TRPM8: variants seen among roughly 807,000 people sequenced by gnomAD.
The protein encoded by TRPM8 is TRPM8 cationic channel.
In TRPM8, 110 loss-of-function variants were observed where a neutral mutation model predicts 133.7. The observed-to-expected ratio is 0.82, with a 90% CI of 0.70 to 0.96. The LOEUF (loss-of-function observed/expected upper bound fraction) is 0.96. Ranked by LOEUF, TRPM8 falls within the 40% of genes least tolerant of loss-of-function variation. The pLI, the probability that TRPM8 is intolerant of heterozygous loss-of-function variation, is 0.00. For missense variants in TRPM8, 1,291 were observed against 1,379.5 expected (o/e 0.94, Z 1.02); for synonymous variants, 535 against 532.3 (o/e 1.01, Z -0.07).
At chr2:234,011,790 A>G (rs7576321) in intron 24 of TRPM8, among the ~76,000 whole-genome samples, 112,597 of 151,362 alleles carry the variant, frequency 0.74, 42,367 homozygotes, top group African/African-American at 0.85. Flanking sequence ...GGTGGCAGGC[A>G]CCTGTAGTCC....
chr2:233,938,952 A>G, intron 4 of TRPM8, 46 bp from the exon 5 acceptor site: 1 of 1,593,022 alleles, frequency 6.3e-7, no homozygotes, highest in Non-Finnish European at 8.6e-7. Flanking sequence ...CCCCGACCTC[A>G]GGAGAACACA....
In TRPM8 at chr2:233,926,791, G is replaced by A. The variant is rs553683344; in HGVS notation, c.117+137G>A. 1.0e-5 allele frequency: 7 copies of A among 677,048 alleles called. No individual in the cohort carries two copies. In the South Asian group the frequency reaches 1.1e-4, roughly 10 times the overall value. 41.9% of individuals were successfully genotyped at this position (677,048 alleles called of 1,614,324 possible). On this transcript the variant is annotated intron_variant, in intron 2 of 25. Transcript: ENST00000324695. ...AATTCCTTTCACTACTTAATGCTCAGTGCTCTTGTTTCCGGTCTGAGCCTT... is the reference window on the plus strand; with the variant it reads ...AATTCCTTTCACTACTTAATGCTCAATGCTCTTGTTTCCGGTCTGAGCCTT...
chr2:233,970,260 T>C lies in TRPM8; in HGVS notation c.2189T>C (p.Phe730Ser). Residue 730 changes from phenylalanine to serine, a missense_variant, in exon 17 of 26, where the codon TTC (phenylalanine) becomes TCC (serine). Transcript: ENST00000324695. Reference protein sequence around the residue: ...HKKLLWYYVAFFTSPFVVFSW... With the variant: ...HKKLLWYYVASFTSPFVVFSW... The stretch of plus-strand genomic sequence containing the variant: ...AAGCTGCTTTGGTACTATGTGGCGT[T>C]CTTCACCTCCCCCTTCGTGGTCTTC... 1 of 1,614,202 alleles carries C rather than the reference T, an allele frequency of 6.2e-7. No homozygotes were observed. The highest frequency in any genetic ancestry group is 8.5e-7 in the Non-Finnish European group (1 of 1,180,034).
intron 9 of TRPM8, 30 bp downstream of exon 9, chr2:233,950,176 G>C: frequency 6.3e-7 from 1 of 1,595,300 alleles, no homozygotes. Flanking sequence ...TCTGAGGGCT[G>C]AGAAAATAAG....
At chr2:233,993,889 A>AT (rs1692341956) in intron 21 of TRPM8, among the ~76,000 whole-genome samples, 2 of 151,976 alleles carry the variant, frequency 1.3e-5, no homozygotes, top group Non-Finnish European at 2.9e-5. Flanking sequence ...AGTTGTTTTG[A>AT]TTTTTTCTTT....
chr2:233,980,052 T>G, intron 17 of TRPM8, 136 bp from the exon 18 acceptor site: 1 of 678,982 alleles, frequency 1.5e-6, no homozygotes, highest in Non-Finnish European at 2.6e-6. Flanking sequence ...AGGGCTCACT[T>G]GGCATATGAA....
intron 15 of TRPM8, among the ~76,000 whole-genome samples, chr2:233,967,246 A>G (rs1356088735): frequency 1.3e-5 from 2 of 152,252 alleles, no homozygotes; most frequent in Non-Finnish European, 2.9e-5. Context: ...CAGTAGGGAA[A>G]CTATTGTGAA....
intron 1 of TRPM8, among the ~76,000 whole-genome samples, chr2:233,918,270 A>G (rs1419004709): frequency 6.6e-6 from 1 of 150,882 alleles, no homozygotes; most frequent in Non-Finnish European, 1.5e-5. Context: ...TATAATTTGG[A>G]AAAAAGCTGT....
chr2:234,004,712 A>G (rs749339111), intron 22 of TRPM8, among the ~76,000 whole-genome samples: 38 of 152,374 alleles, frequency 2.5e-4, no homozygotes, highest in Non-Finnish European at 4.7e-4. Context: ...ATTATAGGAC[A>G]TTTGAAAAAT....
intron 4 of TRPM8, among the ~76,000 whole-genome samples, chr2:233,938,727 T>C (rs1255456646): frequency 2.0e-5 from 3 of 151,878 alleles, no homozygotes; most frequent in Admixed American, 6.5e-5. Flanking sequence ...GAGGGGTGAC[T>C]TTGAATACGG....
chr2:233,968,518 C>T (rs186489602), intron 15 of TRPM8, among the ~76,000 whole-genome samples: 50 of 152,292 alleles, frequency 3.3e-4, no homozygotes, highest in African/African-American at 1.2e-3. Context: ...TATTCCAGGA[C>T]ACTAGTCCTC....
intron 24 of TRPM8, among the ~76,000 whole-genome samples, chr2:234,010,978 A>T (rs982020528): frequency 6.6e-6 from 1 of 152,186 alleles, no homozygotes; most frequent in Non-Finnish European, 1.5e-5. Context: ...TTTGTTTTAC[A>T]TAATCCCACT....
chr2:233,990,165 A>G (rs1288606221), intron 21 of TRPM8, among the ~76,000 whole-genome samples: 1 of 152,234 alleles, frequency 6.6e-6, no homozygotes, highest in Non-Finnish European at 1.5e-5. Context: ...ATATTTATTG[A>G]AGCTTTCCCA....
rs1367442081 is a variant in TRPM8 at position 233,964,693 on chromosome 2, G to A, written c.1815G>A (p.Lys605=). 1 of 1,612,488 alleles carries A rather than the reference G, an allele frequency of 6.2e-7. No individual in the cohort carries two copies. The highest frequency in any genetic ancestry group is 1.7e-5 in the Admixed American group (1 of 59,972). The change falls in exon 14 of 26, where the codon AAG becomes AAA. Residue 605 remains lysine (K), a synonymous_variant. Transcript: ENST00000324695. ...TTCTGAAGACTCTGGCCAAAGTGAA[G>A]AACGACATCAATGCTGCTGGGGAGT... ...SKLLKTLAKV[K]NDINAAGESE...
In TRPM8 at chr2:233,989,854, T is replaced by C. The variant is rs1375369891; in HGVS notation, c.2939+3989T>C. Among the ~76,000 whole-genome samples the C allele has an allele frequency of 6.6e-6, 1 of 152,198 alleles. No homozygotes were observed. The highest frequency in any genetic ancestry group is 1.5e-5 in the Non-Finnish European group (1 of 68,030). On this transcript the variant is annotated intron_variant, in intron 21 of 25. Transcript: ENST00000324695. The surrounding 1 kb of genome is among the most constrained non-coding windows in gnomAD (Gnocchi z 4.2). ...AGGAAGTGAATTTAAAGTCAGTAAA[T>C]GACTCCAGGTCGACTTACCAGGAGC...
intron 17 of TRPM8, among the ~76,000 whole-genome samples, chr2:233,976,615 G>A (rs1691879963): frequency 6.6e-6 from 1 of 152,114 alleles, no homozygotes; most frequent in Non-Finnish European, 1.5e-5. Context: ...TGGCTATGGG[G>A]GGATGCTTAC....
At chr2:234,005,091 T>C (rs527484684) in intron 22 of TRPM8, among the ~76,000 whole-genome samples, 2 of 152,358 alleles carry the variant, frequency 1.3e-5, no homozygotes, top group South Asian at 4.1e-4. Flanking sequence ...GAATACTTTT[T>C]TCCTTTGAGT....
At chr2:233,980,027 C>T (rs1307766084) in intron 17 of TRPM8, 161 bp from the exon 18 acceptor site, 5 of 626,022 alleles carry the variant, frequency 8.0e-6, no homozygotes, top group South Asian at 2.0e-5. Flanking sequence ...CCTGGATTAG[C>T]GTGGGGCACG....
intron 8 of TRPM8, chr2:233,947,509 C>T: frequency 7.6e-7 from 1 of 1,311,574 alleles, no homozygotes; most frequent in Non-Finnish European, 1.0e-6. Flanking sequence ...TGTGATCATA[C>T]ACACACAGAT....
Sources: allele counts gnomAD v4.1 joint callset (sites outside exome capture counted in the v4.1 genomes callset), GRCh38; gene constraint gnomAD v4.1.1; non-coding constraint Gnocchi (gnomAD v3.1); transcripts MANE v1.5; gene names NCBI Gene and HGNC (gene_info 2026-07-23, HGNC 2026-07-21).